NLGN4X: variants seen among roughly 807,000 people sequenced by gnomAD.
NLGN4X encodes neuroligin-4, X-linked.
In NLGN4X, 3 loss-of-function variants were observed where a neutral mutation model predicts 40.3. The ratio of observed to expected loss-of-function variants is 0.07; its 90% CI spans 0.03 to 0.19. The LOEUF (loss-of-function observed/expected upper bound fraction) is 0.19. Among genes scored for constraint, NLGN4X ranks in the 10% least tolerant of loss-of-function variants. The probability of loss-of-function intolerance (pLI) is 1.00; values close to 1 mark genes in which losing one functional copy is unlikely to be tolerated. For synonymous variants in NLGN4X, 270 were observed against 306.8 expected (o/e 0.88, Z 1.25); for missense variants, 382 against 708.3 (o/e 0.54, Z 5.23).
chrX:5,915,579 G>A (rs1439448733), intron 3 of NLGN4X, among the ~76,000 whole-genome samples: 2 of 111,643 alleles, frequency 1.8e-5, no homozygotes, highest in Non-Finnish European at 3.8e-5. Flanking sequence ...TCGCTCTGTC[G>A]CCTAAGCTGG....
intron 1 of NLGN4X, among the ~76,000 whole-genome samples, chrX:6,208,567 C>T (rs1403369596): frequency 1.8e-5 from 2 of 112,036 alleles, no homozygotes; most frequent in African/African-American, 3.2e-5. Context: ...CCAGTATACA[C>T]GTCGGGGCTA....
chrX:6,077,478 G>A (rs1193257354), intron 2 of NLGN4X, among the ~76,000 whole-genome samples: 1 of 109,606 alleles, frequency 9.1e-6, no homozygotes, highest in African/African-American at 3.3e-5. Context: ...TTGTAGAGAC[G>A]GGGTTTCACT....
At chrX:5,944,667 AAAAAAAG>A (rs1489158626) in intron 3 of NLGN4X, among the ~76,000 whole-genome samples, 1 of 108,293 alleles carries the variant, frequency 9.2e-6, no homozygotes, top group African/African-American at 3.4e-5. Flanking sequence ...AAAAAAAAAA[AAAAAAAG>A]AAGAAGAAAT....
chrX:6,012,029 CT>C (rs1208658298), intron 3 of NLGN4X, among the ~76,000 whole-genome samples: 1 of 111,753 alleles, frequency 8.9e-6, no homozygotes, highest in East Asian at 2.9e-4. Context: ...CTGCATTAAT[CT>C]TTGATTTTAA....
chrX:6,204,868 G>A (rs1228061947), intron 1 of NLGN4X, among the ~76,000 whole-genome samples: 2 of 111,755 alleles, frequency 1.8e-5, no homozygotes, highest in Non-Finnish European at 3.8e-5. Context: ...ATGTACCGAA[G>A]ACTATCATTC....
At chrX:6,215,297 T>A (rs1924973796) in intron 1 of NLGN4X, among the ~76,000 whole-genome samples, 1 of 109,068 alleles carries the variant, frequency 9.2e-6, no homozygotes, top group Admixed American at 9.8e-5. Flanking sequence ...ACGCCTGTAA[T>A]CCCAGCACTT....
chrX:6,096,748 C>T (rs1342696470), intron 2 of NLGN4X, among the ~76,000 whole-genome samples: 3 of 111,974 alleles, frequency 2.7e-5, no homozygotes, highest in Non-Finnish European at 3.8e-5. Flanking sequence ...CACACACATA[C>T]GAACATGAGT....
chrX:5,966,294 T>C (rs1213270375), intron 3 of NLGN4X, among the ~76,000 whole-genome samples: 2 of 112,551 alleles, frequency 1.8e-5, no homozygotes, highest in Non-Finnish European at 3.8e-5. Flanking sequence ...ACTATGAGTA[T>C]GAATATGATG....
chrX:6,154,717 C>G (rs145812029), intron 1 of NLGN4X, among the ~76,000 whole-genome samples: 251 of 111,823 alleles, frequency 2.2e-3, no homozygotes, highest in African/African-American at 7.8e-3. Context: ...TAAATATATA[C>G]ATATACTTTG....
At chrX:5,970,533 C>A (rs888132651) in intron 3 of NLGN4X, among the ~76,000 whole-genome samples, 4 of 111,674 alleles carry the variant, frequency 3.6e-5, no homozygotes, top group Non-Finnish European at 7.5e-5. Flanking sequence ...TATCTCCTCT[C>A]TGAAACATTT....
intron 2 of NLGN4X, among the ~76,000 whole-genome samples, chrX:6,095,816 C>T (rs1377214503): frequency 2.7e-5 from 3 of 111,461 alleles, no homozygotes; most frequent in Non-Finnish European, 3.8e-5. Context: ...ACAGGAAGCG[C>T]CCCAAAAGTT....
At chrX:6,016,530 T>C (rs1260205119) in intron 3 of NLGN4X, among the ~76,000 whole-genome samples, 1 of 112,177 alleles carries the variant, frequency 8.9e-6, no homozygotes, top group Non-Finnish European at 1.9e-5. Context: ...AAATGTAAAA[T>C]GGTACACCTA....
rs1464030718 is a variant in NLGN4X at position 6,029,424 on chromosome X, C to T, written c.481G>A (p.Asp161Asn). 8.3e-7 allele frequency: 1 copy of T among 1,210,121 alleles called. No individual in the cohort carries two copies. Among genetic ancestry groups the T allele is most frequent in the Non-Finnish European group, 1.1e-6 (1 of 894,569 alleles). ...IYVPTEDDIH[D>N]QNSKKPVMVY... ...ATGACGGGCTTCTTACTGTTCTGAT[C>T]ATGAATATCTGGAAAAAAAAGCCAA... The change falls in exon 3 of 6, where the codon GAT (aspartate) becomes AAT (asparagine). Residue 161 changes from aspartate (D) to asparagine (N), a missense_variant. Physicochemically the swap from Asp to Asn is conservative, Grantham distance 23. Around this residue, in one of 5 missense-constraint regions of NLGN4X, gnomAD observed 115 missense variants for 149.6 expected, o/e 0.77. Coordinates refer to ENST00000381095, the MANE Select transcript of NLGN4X (RefSeq NM_181332.3).
intron 1 of NLGN4X, among the ~76,000 whole-genome samples, chrX:6,184,940 G>A (rs1261875812): frequency 8.9e-6 from 1 of 112,095 alleles, no homozygotes; most frequent in Non-Finnish European, 1.9e-5. Context: ...TTAGCTGAGG[G>A]GATGGGCAAT....
intron 1 of NLGN4X, among the ~76,000 whole-genome samples, chrX:6,215,821 T>G (rs1270619431): frequency 3.6e-5 from 4 of 111,351 alleles, no homozygotes; most frequent in Non-Finnish European, 7.5e-5. Flanking sequence ...CATCCTGTCC[T>G]GTCTACTCCC....
intron 1 of NLGN4X, among the ~76,000 whole-genome samples, chrX:6,226,350 G>A (rs1353877056): frequency 9.0e-6 from 1 of 110,870 alleles, no homozygotes; most frequent in Admixed American, 9.4e-5. Flanking sequence ...CTGGGGAAGG[G>A]GAGGGGTATG....
chrX:6,207,769 T>A (rs755489430), intron 1 of NLGN4X, among the ~76,000 whole-genome samples: 1 of 111,891 alleles, frequency 8.9e-6, no homozygotes, highest in South Asian at 3.7e-4. Flanking sequence ...AAATAACTGG[T>A]TTTGCATATA....
At chrX:6,146,935 C>T (rs1018902708) in intron 2 of NLGN4X, among the ~76,000 whole-genome samples, 4 of 109,772 alleles carry the variant, frequency 3.6e-5, no homozygotes, top group African/African-American at 1.3e-4. Context: ...AGATTACAGG[C>T]GCACACCACC....
At chrX:6,200,900 A>G (rs371194290) in intron 1 of NLGN4X, among the ~76,000 whole-genome samples, 2 of 108,927 alleles carry the variant, frequency 1.8e-5, no homozygotes, top group East Asian at 5.8e-4. Flanking sequence ...GGGTCTCCCT[A>G]TGTTGCCCAG....
Sources: allele counts gnomAD v4.1 joint callset (sites outside exome capture counted in the v4.1 genomes callset), GRCh38; gene constraint gnomAD v4.1.1; regional missense constraint gnomAD v4.1.1; transcripts MANE v1.5; gene names NCBI Gene and HGNC (gene_info 2026-07-23, HGNC 2026-07-21).